The following DIS3L2 variants were observed in gnomAD, a reference collection of about 807,000 sequenced individuals.
The protein encoded by DIS3L2 is DIS3 like 3'-5' exoribonuclease 2, also known as DIS3-like exonuclease 2.
DIS3L2 carries 34 observed loss-of-function variants against 97.5 expected under a neutral mutation model. The ratio of observed to expected loss-of-function variants is 0.35; its 90% CI spans 0.27 to 0.46. DIS3L2 has a LOEUF of 0.46. Among genes scored for constraint, DIS3L2 ranks in the 20% least tolerant of loss-of-function variants. DIS3L2 has a pLI of 1.00. For synonymous variants in DIS3L2, 435 were observed against 445.2 expected (o/e 0.98, Z 0.29); for missense variants, 1,038 against 1,146.0 (o/e 0.91, Z 1.36).
rs7598306 is a variant in DIS3L2, at chr2:232,300,147, A to G, written c.1739+28A>G. On this transcript the variant is annotated intron_variant, in intron 14 of 20. Coordinates refer to ENST00000325385, the MANE Select transcript of DIS3L2 (RefSeq NM_152383.5). ...AAGCCACTCAGTGGGAAAGAGTGTC[A>G]CTTCACATGTGTGCAGCAGTGGTGC... The G allele has an allele frequency of 1.2e-3, 1,987 of 1,606,098 alleles. 26 individuals carry two copies. The African/African-American group carries it at 0.024, about 19-fold the overall frequency.
At chr2:232,200,879 G>A (rs1691875495) in intron 9 of DIS3L2, among the ~76,000 whole-genome samples, 1 of 151,718 alleles carries the variant, frequency 6.6e-6, no homozygotes, top group South Asian at 2.1e-4. Flanking sequence ...CGCCTCCTGG[G>A]TTCAAGCAAT....
chr2:232,067,292 A>G (rs577830645), intron 5 of DIS3L2, among the ~76,000 whole-genome samples: 3 of 152,288 alleles, frequency 2.0e-5, no homozygotes, highest in Admixed American at 6.5e-5. Flanking sequence ...CATTTTCTCT[A>G]GACGCTACTT....
chr2:232,272,798 A>G (rs1694039795), intron 13 of DIS3L2, among the ~76,000 whole-genome samples: 1 of 152,094 alleles, frequency 6.6e-6, no homozygotes, highest in African/African-American at 2.4e-5. Flanking sequence ...CCCTTGTGCG[A>G]CCTTCTCTGC....
At chr2:232,090,545 T>G (rs73001178) in intron 6 of DIS3L2, among the ~76,000 whole-genome samples, 2,616 of 152,304 alleles carry the variant, frequency 0.017, 29 homozygotes, top group Non-Finnish European at 0.021. Flanking sequence ...ATTTCAACCA[T>G]CTTCTCTTAC....
At position 232,269,410 on chromosome 2, in the gene DIS3L2, G is replaced by A. The variant is rs1693927470; in HGVS notation, c.1659+5970G>A. 1.3e-5 allele frequency among the ~76,000 whole-genome samples: 2 copies of A among 152,330 alleles called. No individual in the cohort carries two copies. Among genetic ancestry groups the A allele is most frequent in the East Asian group, 1.9e-4 (1 of 5,188 alleles). ...TTATGTTGTCACTTAAACACACGAG[G>A]AAGCTATTGATCACAGGGTTGAGTA... On this transcript the variant is annotated intron_variant, in intron 13 of 20. Coordinates refer to ENST00000325385, the MANE Select transcript of DIS3L2 (RefSeq NM_152383.5). This position sits in a 1 kb window ranked among gnomAD's most constrained non-coding sequence, Gnocchi z 4.5.
At chr2:232,034,800 AT>A (rs1266246088) in intron 5 of DIS3L2, among the ~76,000 whole-genome samples, 1 of 152,116 alleles carries the variant, frequency 6.6e-6, no homozygotes, top group East Asian at 1.9e-4. Context: ...TTAATCCTGA[AT>A]TCTAATTTGA....
At chr2:232,208,385 G>C (rs115723388) in intron 9 of DIS3L2, among the ~76,000 whole-genome samples, 5 of 151,672 alleles carry the variant, frequency 3.3e-5, no homozygotes, top group Non-Finnish European at 7.4e-5. Context: ...ATCTTGGCTC[G>C]CTGCAACCGC....
intron 5 of DIS3L2, among the ~76,000 whole-genome samples, chr2:232,051,811 C>CAAAAAAAAA (rs58851349): frequency 1.1e-4 from 4 of 37,064 alleles, no homozygotes; most frequent in Non-Finnish European, 1.4e-4. Context: ...GACTCCGTCT[C>CAAAAAAAAA]AAAAAAAAAA....
At chr2:232,155,014 G>T (rs1231172355) in intron 8 of DIS3L2, among the ~76,000 whole-genome samples, 1 of 148,652 alleles carries the variant, frequency 6.7e-6, no homozygotes, top group Non-Finnish European at 1.5e-5. Context: ...GGAACTCCCT[G>T]ACCCCTTGCG....
chr2:232,005,010 A>T (rs933590316), intron 1 of DIS3L2, among the ~76,000 whole-genome samples: 11 of 152,164 alleles, frequency 7.2e-5, no homozygotes, highest in African/African-American at 2.4e-4. Context: ...TTCTTGTCTG[A>T]TAGTTCTAAC....
intron 15 of DIS3L2, 106 bp downstream of exon 15, chr2:232,330,102 C>G (rs1695693406): frequency 7.3e-7 from 1 of 1,366,338 alleles, no homozygotes; most frequent in African/African-American, 1.5e-5. Context: ...AGAGTCCCTC[C>G]CCTTCAGCCA....
At chr2:232,085,513 T>G (rs1696549384) in intron 5 of DIS3L2, among the ~76,000 whole-genome samples, 1 of 152,238 alleles carries the variant, frequency 6.6e-6, no homozygotes, top group Non-Finnish European at 1.5e-5. Context: ...TTTATATTTA[T>G]GTATATACAG....
At chr2:232,016,278 C>T (rs1694351643) in intron 3 of DIS3L2, among the ~76,000 whole-genome samples, 1 of 152,154 alleles carries the variant, frequency 6.6e-6, no homozygotes, top group Admixed American at 6.5e-5. Context: ...CATTGTGAGC[C>T]AGGAACAGTT....
At chr2:232,072,517 G>A (rs961084940) in intron 5 of DIS3L2, among the ~76,000 whole-genome samples, 3 of 152,120 alleles carry the variant, frequency 2.0e-5, no homozygotes, top group Admixed American at 6.5e-5. Context: ...GTCAGGTAGA[G>A]CCTTTACATC....
chr2:232,016,539 T>C (rs1027226178), intron 3 of DIS3L2, among the ~76,000 whole-genome samples: 12 of 152,082 alleles, frequency 7.9e-5, no homozygotes, highest in African/African-American at 2.7e-4. Flanking sequence ...TGGTAGGTAT[T>C]GAGGGTCTAG....
chr2:232,164,835 G>A (rs1014258481), intron 9 of DIS3L2, among the ~76,000 whole-genome samples: 3 of 152,032 alleles, frequency 2.0e-5, no homozygotes, highest in Non-Finnish European at 4.4e-5. Context: ...CAGGGGCTCC[G>A]AGGTCTTGGG....
intron 1 of DIS3L2, among the ~76,000 whole-genome samples, chr2:231,968,472 A>T (rs1471524423): frequency 6.6e-6 from 1 of 152,216 alleles, no homozygotes; most frequent in African/African-American, 2.4e-5. Context: ...GGAACCACAC[A>T]ATATGTAGTT....
chr2:232,051,293 TA>T (rs1258117380), intron 5 of DIS3L2, among the ~76,000 whole-genome samples: 3 of 152,212 alleles, frequency 2.0e-5, no homozygotes, highest in Non-Finnish European at 4.4e-5. Flanking sequence ...TAGGTACTTT[TA>T]AAACGTGAGT....
intron 5 of DIS3L2, among the ~76,000 whole-genome samples, chr2:232,033,481 T>G (rs1278240005): frequency 6.6e-6 from 1 of 152,242 alleles, no homozygotes; most frequent in Non-Finnish European, 1.5e-5. Flanking sequence ...CTTGCCTGAT[T>G]GCCCTGGCCA....
Sources: gnomAD v4.1 joint callset for allele counts (sites outside exome capture counted in the v4.1 genomes callset) on GRCh38, gnomAD v4.1.1 for gene constraint, Gnocchi (gnomAD v3.1) non-coding constraint, MANE v1.5 for transcripts, NCBI Gene and HGNC (gene_info 2026-07-23, HGNC 2026-07-21) for gene names.